SPOPL: variants seen among roughly 807,000 people sequenced by gnomAD.
The protein encoded by SPOPL is speckle-type POZ protein-like.
A neutral mutation model predicts 53.8 loss-of-function variants in SPOPL; 23 were observed. The ratio of observed to expected loss-of-function variants is 0.43; its 90% confidence interval spans 0.31 to 0.61. The LOEUF (loss-of-function observed/expected upper bound fraction) is 0.61. SPOPL is among the 20% of genes least tolerant of loss of function. SPOPL has a pLI of 0.12. For missense variants in SPOPL, 442 were observed against 466.9 expected (o/e 0.95, Z 0.49); for synonymous variants, 164 against 149.7 (o/e 1.10, Z -0.70).
At chr2:138,555,131 G>GGTGTGTGTGTGTGTGTGTGTGTGTGT (rs61000380) in intron 5 of SPOPL, among the ~76,000 whole-genome samples, 1 of 140,090 alleles carries the variant, frequency 7.1e-6, no homozygotes, top group Non-Finnish European at 1.5e-5. Context: ...AGGGTAGGAG[G>GGTGTGTGTGTGTGTGTGTGTGTGTGT]GTGTGTGTGT....
chr2:138,545,302 G>A (rs142236450), intron 1 of SPOPL, among the ~76,000 whole-genome samples: 7 of 152,278 alleles, frequency 4.6e-5, no homozygotes, highest in Non-Finnish European at 1.0e-4. Flanking sequence ...AATGAGGGCT[G>A]ATGACTTGGG....
intron 1 of SPOPL, among the ~76,000 whole-genome samples, chr2:138,512,044 A>G (rs893722817): frequency 2.6e-5 from 4 of 152,326 alleles, no homozygotes; most frequent in South Asian, 4.1e-4. Context: ...TTGCATATAT[A>G]TTGGTTAATT....
At chr2:138,518,118 G>T (rs1378270044) in intron 1 of SPOPL, among the ~76,000 whole-genome samples, 1 of 149,856 alleles carries the variant, frequency 6.7e-6, no homozygotes, top group East Asian at 2.0e-4. Flanking sequence ...GAGAAATAAT[G>T]AAGGCAAATG....
intron 1 of SPOPL, among the ~76,000 whole-genome samples, chr2:138,540,105 A>C (rs1350934664): frequency 6.6e-6 from 1 of 152,144 alleles, no homozygotes. Context: ...GTTGGTCTAT[A>C]TCTCTGTTTT....
chr2:138,525,663 A>AAAAAAAAAAAAAAAAAC (rs1558865850), intron 1 of SPOPL, among the ~76,000 whole-genome samples: 1 of 130,480 alleles, frequency 7.7e-6, no homozygotes, highest in African/African-American at 2.8e-5. Flanking sequence ...GTAGAAAAAA[A>AAAAAAAAAAAAAAAAAC]AAAAAAAAAA....
intron 8 of SPOPL, among the ~76,000 whole-genome samples, chr2:138,564,070 TAGAA>T (rs1368385059): frequency 5.3e-5 from 8 of 152,188 alleles, no homozygotes; most frequent in African/African-American, 1.9e-4. Flanking sequence ...TCTATAGTGA[TAGAA>T]AGCATATCAG....
chr2:138,564,089 A>G (rs1188631257), intron 8 of SPOPL, among the ~76,000 whole-genome samples: 1 of 152,216 alleles, frequency 6.6e-6, no homozygotes, highest in Non-Finnish European at 1.5e-5. Flanking sequence ...TATCAGAGGT[A>G]TCACCTAGGG....
chr2:138,557,377 AAAAT>A (rs1420770507), intron 5 of SPOPL, among the ~76,000 whole-genome samples: 1 of 152,214 alleles, frequency 6.6e-6, no homozygotes, highest in Non-Finnish European at 1.5e-5. Flanking sequence ...TATCCTCAGA[AAAAT>A]AAAGATTTTC....
intron 1 of SPOPL, among the ~76,000 whole-genome samples, chr2:138,536,397 G>C (rs1210560332): frequency 2.6e-5 from 4 of 151,862 alleles, no homozygotes; most frequent in Non-Finnish European, 4.4e-5. Context: ...TGCACCTCTG[G>C]GGAAGCAGCC....
At chr2:138,561,199 A>T (rs1219989618) in intron 8 of SPOPL, among the ~76,000 whole-genome samples, 3 of 152,192 alleles carry the variant, frequency 2.0e-5, no homozygotes, top group Non-Finnish European at 2.9e-5. Flanking sequence ...TCCATTTAAA[A>T]GAACACACAC....
At chr2:138,561,408 A>G (rs1291252439) in intron 8 of SPOPL, among the ~76,000 whole-genome samples, 1 of 152,188 alleles carries the variant, frequency 6.6e-6, no homozygotes, top group East Asian at 1.9e-4. Flanking sequence ...TTTTGAAGGT[A>G]GAGAAACTGC....
rs1456955107 is a variant in SPOPL at position 138,552,633 on chromosome 2, T to C, written c.432T>C (p.Asp144=). 6.2e-7 allele frequency: 1 copy of C among 1,613,120 alleles called. No homozygotes were observed. Among genetic ancestry groups the C allele is most frequent in the Non-Finnish European group, 8.5e-7 (1 of 1,179,384 alleles). ...TCATTAGAAGGGACTTTTTGCTTGATGAAGCTAATGGTCTTTTACCAGATG... is the reference window on the plus strand; with the variant it reads ...TCATTAGAAGGGACTTTTTGCTTGACGAAGCTAATGGTCTTTTACCAGATG... ...KKFIRRDFLL[D]EANGLLPDDK... The change falls in exon 5 of 11, where the codon GAT becomes GAC. Residue 144 remains aspartate, a synonymous_variant. Transcript: ENST00000280098.
chr2:138,511,419 C>A (rs138774714), intron 1 of SPOPL, among the ~76,000 whole-genome samples: 109 of 152,242 alleles, frequency 7.2e-4, no homozygotes, highest in African/African-American at 2.5e-3. Context: ...ACCTTTACAT[C>A]AAATTTCCTT....
chr2:138,536,463 C>G (rs1015830324), intron 1 of SPOPL, among the ~76,000 whole-genome samples: 6 of 152,184 alleles, frequency 3.9e-5, no homozygotes, highest in Non-Finnish European at 7.3e-5. Flanking sequence ...TTCTTTTTGC[C>G]TGACTACTCA....
At chr2:138,531,849 T>G (rs1409043066) in intron 1 of SPOPL, among the ~76,000 whole-genome samples, 1 of 152,180 alleles carries the variant, frequency 6.6e-6, no homozygotes, top group African/African-American at 2.4e-5. Context: ...CTGATAATTT[T>G]TTATTGAATA....
rs1331037055 is a variant in SPOPL, at chr2:138,512,023, G to A, written c.-61+9904G>A. Among the ~76,000 whole-genome samples the A allele has an allele frequency of 2.0e-5, 3 of 152,108 alleles. No individual in the cohort carries two copies. In the East Asian group the frequency reaches 5.8e-4, roughly 29 times the overall value. On this transcript the variant is annotated intron_variant, in intron 1 of 10. Coordinates refer to ENST00000280098, the MANE Select transcript of SPOPL (RefSeq NM_001001664.3). ...TACATTTATAATGTGCTTTCCATGA[G>A]GTTAAATGCTTTGCATATATATTGG... is the stretch of plus-strand genomic sequence containing the variant.
chr2:138,556,687 TGATAA>T (rs1434971075), intron 5 of SPOPL, among the ~76,000 whole-genome samples: 1 of 152,212 alleles, frequency 6.6e-6, no homozygotes, highest in Non-Finnish European at 1.5e-5. Context: ...ATTAAAAACT[TGATAA>T]GATAGGAGCA....
At chr2:138,530,035 A>G (rs1034870342) in intron 1 of SPOPL, among the ~76,000 whole-genome samples, 1 of 152,050 alleles carries the variant, frequency 6.6e-6, no homozygotes, top group Non-Finnish European at 1.5e-5. Flanking sequence ...ATGTGTTTCC[A>G]TCTTTTAGCT....
At chr2:138,522,003 A>G (rs1344705200) in intron 1 of SPOPL, among the ~76,000 whole-genome samples, 1 of 152,172 alleles carries the variant, frequency 6.6e-6, no homozygotes, top group Non-Finnish European at 1.5e-5. Context: ...AGAGGTTCTT[A>G]GTGTGAGATC....
Sources: gnomAD v4.1 joint callset for allele counts (sites outside exome capture counted in the v4.1 genomes callset) on GRCh38, gnomAD v4.1.1 for gene constraint, MANE v1.5 for transcripts, NCBI Gene and HGNC (gene_info 2026-07-23, HGNC 2026-07-21) for gene names.